The following CDIN1 variants were observed in gnomAD, a reference collection of about 807,000 sequenced individuals.
The protein encoded by CDIN1 is CDAN1-interacting nuclease 1.
In CDIN1, 33 loss-of-function variants were observed where a neutral mutation model predicts 45.3. That is an observed-to-expected ratio of 0.73 (90% CI 0.55 to 0.97). The LOEUF is 0.97. Among genes scored for constraint, CDIN1 ranks in the 50% least tolerant of loss-of-function variants. The probability of loss-of-function intolerance (pLI) is 0.00; values close to 1 mark genes in which losing one functional copy is unlikely to be tolerated. For synonymous variants in CDIN1, 118 were observed against 124.4 expected, an observed-to-expected ratio of 0.95 and a Z score of 0.34; for missense variants, 303 against 339.4, an observed-to-expected ratio of 0.89 and a Z score of 0.84.
intron 1 of CDIN1, among the ~76,000 whole-genome samples, chr15:36,624,233 T>C (rs1260578193): frequency 6.6e-6 from 1 of 152,180 alleles, no homozygotes; most frequent in African/African-American, 2.4e-5. Flanking sequence ...TTAAGACACA[T>C]AGAGAAACAG....
chr15:36,618,040 G>A (rs757856974), intron 1 of CDIN1: 13 of 777,962 alleles, frequency 1.7e-5, no homozygotes, highest in South Asian at 6.8e-5. Context: ...AGCAGTTCTC[G>A]GTCTATAGTA....
chr15:36,724,885 C>G (rs1179999286), intron 10 of CDIN1, among the ~76,000 whole-genome samples: 1 of 152,012 alleles, frequency 6.6e-6, no homozygotes, highest in Non-Finnish European at 1.5e-5. Context: ...TCAGTTTCTA[C>G]CATGAGTTAT....
chr15:36,625,677 A>G (rs2039393043), intron 1 of CDIN1, among the ~76,000 whole-genome samples: 1 of 152,226 alleles, frequency 6.6e-6, no homozygotes, highest in Admixed American at 6.5e-5. Flanking sequence ...AGAGACTCAG[A>G]GTTGAACTCG....
chr15:36,613,323 A>T (rs1417645662), intron 1 of CDIN1, among the ~76,000 whole-genome samples: 1 of 152,188 alleles, frequency 6.6e-6, no homozygotes, highest in East Asian at 1.9e-4. Context: ...GGTGCAAGTC[A>T]CTGTGCTATA....
chr15:36,732,145 T>C (rs2043854445), intron 10 of CDIN1, among the ~76,000 whole-genome samples: 1 of 152,154 alleles, frequency 6.6e-6, no homozygotes, highest in Non-Finnish European at 1.5e-5. Flanking sequence ...TGCCCCTCTA[T>C]AGCCAAAAAA....
chr15:36,643,645 A>T (rs1367287650), intron 1 of CDIN1, among the ~76,000 whole-genome samples: 5 of 152,210 alleles, frequency 3.3e-5, no homozygotes, highest in Non-Finnish European at 7.3e-5. Context: ...CTTCATTGCC[A>T]GGTGTTTGAC....
intron 10 of CDIN1, among the ~76,000 whole-genome samples, chr15:36,716,043 G>A (rs139823466): frequency 4.7e-4 from 72 of 152,178 alleles, no homozygotes; most frequent in Middle Eastern, 3.4e-3. Context: ...AGTGATATTC[G>A]TAATAAGGAG....
chr15:36,704,702 T>C (rs1233823643), intron 8 of CDIN1: 1 of 152,210 alleles, frequency 6.6e-6, no homozygotes, highest in Non-Finnish European at 1.5e-5. Flanking sequence ...AATAATATTC[T>C]TCTTATCATA....
intron 10 of CDIN1, among the ~76,000 whole-genome samples, chr15:36,710,942 G>A (rs930644062): frequency 2.6e-5 from 4 of 152,124 alleles, no homozygotes; most frequent in Non-Finnish European, 4.4e-5. Context: ...TTTTGCCATG[G>A]TAACAATGAT....
chr15:36,724,619 A>G (rs946443657), intron 10 of CDIN1, among the ~76,000 whole-genome samples: 2 of 152,164 alleles, frequency 1.3e-5, no homozygotes, highest in Non-Finnish European at 2.9e-5. Context: ...CATGGTAGAA[A>G]GAGATTAAGT....
At chr15:36,617,890 G>A in intron 1 of CDIN1, 1 of 772,552 alleles carries the variant, frequency 1.3e-6, no homozygotes, top group South Asian at 1.3e-5. Context: ...AGCCAATTAT[G>A]GCAAGGATAA....
chr15:36,651,759 G>A (rs1383131501), intron 3 of CDIN1, among the ~76,000 whole-genome samples: 1 of 152,092 alleles, frequency 6.6e-6, no homozygotes, highest in Non-Finnish European at 1.5e-5. Context: ...CTGGGGTTTG[G>A]TTTCTTTATA....
At chr15:36,705,032 T>C (rs981736672) in intron 8 of CDIN1, 4 of 152,166 alleles carry the variant, frequency 2.6e-5, no homozygotes, top group African/African-American at 9.6e-5. Context: ...CTTAATTGCT[T>C]TGGATATTTT....
chr15:36,628,786 T>C (rs910010780), intron 1 of CDIN1, among the ~76,000 whole-genome samples: 4 of 152,268 alleles, frequency 2.6e-5, no homozygotes, highest in East Asian at 1.9e-4. Context: ...AACTTGTAAA[T>C]GTTACCTTAC....
intron 10 of CDIN1, among the ~76,000 whole-genome samples, chr15:36,749,261 A>C (rs886605465): frequency 6.6e-6 from 1 of 152,208 alleles, no homozygotes; most frequent in African/African-American, 2.4e-5. Context: ...TACTGATATA[A>C]ACATGGCATT....
chr15:36,741,588 T>A (rs1055503015), intron 10 of CDIN1, among the ~76,000 whole-genome samples: 2 of 152,066 alleles, frequency 1.3e-5, no homozygotes, highest in Non-Finnish European at 2.9e-5. Context: ...GACGGAAATT[T>A]ATTTTCTCAC....
At chr15:36,605,435 C>G (rs779966513) in intron 1 of CDIN1, among the ~76,000 whole-genome samples, 1 of 151,838 alleles carries the variant, frequency 6.6e-6, no homozygotes, top group Non-Finnish European at 1.5e-5. Flanking sequence ...AAAGTTAGTT[C>G]TGTTAAATAG....
At chr15:36,587,724 C>G (rs1416918449) in intron 1 of CDIN1, among the ~76,000 whole-genome samples, 3 of 152,130 alleles carry the variant, frequency 2.0e-5, no homozygotes, top group African/African-American at 7.2e-5. Flanking sequence ...ATCACAGTTT[C>G]TTCCTGAGAA....
intron 10 of CDIN1, 97 bp downstream of exon 10, chr15:36,710,058 C>A: frequency 2.5e-6 from 2 of 803,130 alleles, no homozygotes; most frequent in Non-Finnish European, 3.8e-6. Context: ...TGCTAGTAGC[C>A]GTTGTTTCTA....
Sources: allele counts gnomAD v4.1 joint callset (sites outside exome capture counted in the v4.1 genomes callset), GRCh38; gene constraint gnomAD v4.1.1; transcripts MANE v1.5; gene names NCBI Gene and HGNC (gene_info 2026-07-23, HGNC 2026-07-21).